POLA1: variants seen among roughly 807,000 people sequenced by gnomAD.
POLA1 encodes the protein DNA polymerase alpha catalytic subunit.
Under a neutral mutation model 124.0 loss-of-function variants are expected in POLA1, and 15 were observed. That is an observed-to-expected ratio of 0.12 (90% CI 0.08 to 0.19). POLA1 has a LOEUF of 0.19. Among genes scored for constraint, POLA1 ranks in the 10% least tolerant of loss-of-function variants. The pLI is 1.00. For missense variants in POLA1, 886 were observed against 1,103.4 expected (o/e 0.80, Z 2.79); for synonymous variants, 408 against 389.4 (o/e 1.05, Z -0.56).
intron 4 of POLA1, among the ~76,000 whole-genome samples, chrX:24,710,953 C>A (rs779017072): frequency 3.6e-5 from 4 of 110,826 alleles, no homozygotes; most frequent in Admixed American, 1.9e-4. Flanking sequence ...TGTGAGCCAC[C>A]GCGCTGGCAT....
chrX:24,861,710 C>G lies in POLA1; in HGVS notation c.4047+18033C>G, dbSNP rs185247641. On this transcript the variant is annotated intron_variant, in intron 34 of 36. Coordinates refer to ENST00000379068, the MANE Select transcript of POLA1 (RefSeq NM_001330360.2). ...TGTATATTTCAGAAATTTAGGGAAC[C>G]TTTTTATTTGTTGAATTTATAAGTA... 1.1e-4 allele frequency among the ~76,000 whole-genome samples: 12 copies of G among 111,862 alleles called. No individual in the cohort carries two copies. In the East Asian group the frequency reaches 3.4e-3, roughly 31 times the overall value.
In POLA1 at chrX:24,968,043, A is replaced by G. The variant is rs2048245952; in HGVS notation, c.4262-27762A>G. On this transcript the variant is annotated intron_variant, in intron 36 of 36. Transcript: ENST00000379068. ...TTTCCCCATTAATTTAAAATTCTGC[A>G]TCTAGACTTAGCACTAGTAATCTCA... is the stretch of plus-strand genomic sequence containing the variant. Among the ~76,000 whole-genome samples the G allele has an allele frequency of 3.6e-5, 4 of 111,951 alleles. No homozygotes were observed. In the Admixed American group the frequency reaches 3.8e-4, roughly 11 times the overall value.
intron 4 of POLA1, among the ~76,000 whole-genome samples, chrX:24,708,940 C>G (rs1328668941): frequency 1.8e-5 from 1 of 56,990 alleles, no homozygotes; most frequent in Non-Finnish European, 3.6e-5. Flanking sequence ...CAGAGGGGCT[C>G]CTCACTTCCC....
chrX:24,866,049 A>G (rs2046790850), intron 34 of POLA1, among the ~76,000 whole-genome samples: 1 of 111,749 alleles, frequency 8.9e-6, no homozygotes, highest in Non-Finnish European at 1.9e-5. Flanking sequence ...CCTATTTTGT[A>G]AACAGTTACT....
chrX:24,709,233 GGGC>G (rs1929109468), intron 4 of POLA1, among the ~76,000 whole-genome samples: 1 of 91,746 alleles, frequency 1.1e-5, no homozygotes, highest in African/African-American at 5.1e-5. Context: ...GCGGCTGGCC[GGGC>G]GGGGGGCTGA....
chrX:24,840,686 T>C (rs917624381), intron 32 of POLA1, among the ~76,000 whole-genome samples: 5 of 112,518 alleles, frequency 4.4e-5, no homozygotes, highest in African/African-American at 1.6e-4. Flanking sequence ...ATTACTTATT[T>C]ACCTTTATAC....
At chrX:24,868,087 A>G (rs1328755298) in intron 34 of POLA1, among the ~76,000 whole-genome samples, 1 of 111,832 alleles carries the variant, frequency 8.9e-6, no homozygotes, top group Non-Finnish European at 1.9e-5. Flanking sequence ...GCTGCCCCTT[A>G]GGTTGCATTG....
At chrX:24,965,583 G>T (rs900318323) in intron 36 of POLA1, among the ~76,000 whole-genome samples, 5 of 112,079 alleles carry the variant, frequency 4.5e-5, no homozygotes. Context: ...CAGTAAAACT[G>T]CCTGACCTCA....
chrX:24,777,234 T>C (rs11573394), intron 26 of POLA1, among the ~76,000 whole-genome samples: 6,906 of 112,058 alleles, frequency 0.062, 515 homozygotes, highest in African/African-American at 0.21. Context: ...CAAATAACTT[T>C]CTAATCATCC....
At chrX:24,695,129 AGT>A (rs902556256) in intron 1 of POLA1, among the ~76,000 whole-genome samples, 3 of 111,887 alleles carry the variant, frequency 2.7e-5, no homozygotes, top group Non-Finnish European at 5.6e-5. Flanking sequence ...GTGTTCATTA[AGT>A]AGTTGCTGGG....
intron 35 of POLA1, among the ~76,000 whole-genome samples, chrX:24,911,955 C>T: frequency 8.9e-6 from 1 of 112,250 alleles, no homozygotes; most frequent in Non-Finnish European, 1.9e-5. Flanking sequence ...AAGAGAATAA[C>T]ATTGGAGGAA....
At position 24,826,887 on chromosome X, in the gene POLA1, C is replaced by T. The variant is rs1357774668; in HGVS notation, c.3736+286C>T. 3.6e-5 allele frequency among the ~76,000 whole-genome samples: 4 copies of T among 111,455 alleles called. No homozygotes were observed. The East Asian group carries it at 1.1e-3, about 31-fold the overall frequency. Reference sequence around the variant, plus strand: ...AGGGTAAAGTGAAGATTTCAGGTGCCGTTACAGTCACCGAGTTTACATTGT... The same window carrying T: ...AGGGTAAAGTGAAGATTTCAGGTGCTGTTACAGTCACCGAGTTTACATTGT... On this transcript the variant is annotated intron_variant, in intron 32 of 36. Transcript: ENST00000379068.
intron 6 of POLA1, among the ~76,000 whole-genome samples, chrX:24,716,139 A>C (rs1430807578): frequency 9.4e-6 from 1 of 106,864 alleles, no homozygotes; most frequent in Non-Finnish European, 1.9e-5. Flanking sequence ...TAAGAAGAAA[A>C]AATTTGGGAG....
Position 24,716,368 on chromosome X carries a change from C to G in POLA1, c.532C>G (p.Gln178Glu). The change falls in exon 7 of 37, where the codon CAA becomes GAA. Residue 178 changes from glutamine (Q) to glutamate (E), a missense_variant. Physicochemically the swap from Gln to Glu is conservative, Grantham distance 29. Coordinates refer to ENST00000379068, the MANE Select transcript of POLA1 (RefSeq NM_001330360.2). ...GTCTTACCTTTCCTTTTAGACACCTCAAATAACTCCACCACCTGTAATGAT... is the reference window on the plus strand; with the variant it reads ...GTCTTACCTTTCCTTTTAGACACCTGAAATAACTCCACCACCTGTAATGAT... ...ILQDLNTETPQITPPPVMILK... is the reference protein window; with the variant it reads ...ILQDLNTETPEITPPPVMILK... 1 of 1,146,904 alleles carries G rather than the reference C, an allele frequency of 8.7e-7. No homozygotes were observed. The highest frequency in any genetic ancestry group is 3.0e-5 in the East Asian group (1 of 33,561). The allele number at this position is 1,146,904 out of a possible 1,213,427, so 94.5% of individuals were successfully genotyped here. A position where few individuals can be genotyped will look rare whatever the true frequency, so the allele number is the denominator to read the frequency against.
intron 31 of POLA1, among the ~76,000 whole-genome samples, chrX:24,826,022 A>G (rs192795303): frequency 2.1e-3 from 241 of 112,207 alleles, no homozygotes; most frequent in Middle Eastern, 4.6e-3. Flanking sequence ...ACATAATAAA[A>G]AAGACCATAC....
rs1421505648 is a variant in POLA1, at chrX:24,926,295, AT to A, written c.4165-4156del. ...GCACATAAAGTTTAAAGGCAAATCT[AT>A]TGTTAGCTTTAAGGGGAAGATGGGG... On this transcript the variant is annotated intron_variant, in intron 35 of 36. Coordinates refer to ENST00000379068, the MANE Select transcript of POLA1 (RefSeq NM_001330360.2). Among the ~76,000 whole-genome samples, 4 of 111,194 alleles carry A rather than the reference AT, an allele frequency of 3.6e-5. No individual in the cohort carries two copies. In the Admixed American group the frequency reaches 3.8e-4, roughly 11 times the overall value.
At chrX:24,766,133 C>T (rs750753789) in intron 26 of POLA1, among the ~76,000 whole-genome samples, 101 of 112,286 alleles carry the variant, frequency 9.0e-4, no homozygotes, top group Non-Finnish European at 1.7e-3. Context: ...CAGTGTTTTA[C>T]TGTTATGAAA....
At chrX:24,840,847 A>G (rs1317867480) in intron 32 of POLA1, among the ~76,000 whole-genome samples, 4 of 112,253 alleles carry the variant, frequency 3.6e-5, no homozygotes, top group Non-Finnish European at 7.5e-5. Flanking sequence ...ATTTTTAAGT[A>G]TAAATTCAAA....
chrX:24,830,979 T>C (rs1042827226), intron 32 of POLA1, among the ~76,000 whole-genome samples: 3 of 111,883 alleles, frequency 2.7e-5, no homozygotes, highest in Admixed American at 9.5e-5. Context: ...TGAGAAATTA[T>C]TGAGGTTTGA....
Sources: gnomAD v4.1 joint callset for allele counts (sites outside exome capture counted in the v4.1 genomes callset) on GRCh38, gnomAD v4.1.1 for gene constraint, MANE v1.5 for transcripts, NCBI Gene and HGNC (gene_info 2026-07-23, HGNC 2026-07-21) for gene names.